Variants in MEF2A observed in about 807,000 individuals in gnomAD.
MEF2A encodes myocyte enhancer factor 2A.
In MEF2A, 28 loss-of-function variants were observed where a neutral mutation model predicts 55.8. The ratio of observed to expected loss-of-function variants is 0.50; its 90% CI spans 0.37 to 0.69. MEF2A has a LOEUF of 0.69. Among genes scored for constraint, MEF2A ranks in the 30% least tolerant of loss-of-function variants. The pLI, the probability that MEF2A is intolerant of heterozygous loss-of-function variation, is 0.00. For synonymous variants in MEF2A, 239 were observed against 227.1 expected (o/e 1.05, Z -0.47); for missense variants, 528 against 626.2 (o/e 0.84, Z 1.67).
At chr15:99,685,383 A>G (rs2054026198) in intron 7 of MEF2A, among the ~76,000 whole-genome samples, 1 of 151,450 alleles carries the variant, frequency 6.6e-6, no homozygotes, top group Non-Finnish European at 1.5e-5. Flanking sequence ...GCAGTGGTTC[A>G]TAGTTTTCCT....
At chr15:99,704,616 C>CT (rs2153804057) in intron 9 of MEF2A, among the ~76,000 whole-genome samples, 1 of 152,234 alleles carries the variant, frequency 6.6e-6, no homozygotes, top group Admixed American at 6.5e-5. Flanking sequence ...AGATGAGGAG[C>CT]TTAGATGAGT....
At chr15:99,665,276 G>A (rs150936087) in intron 4 of MEF2A, among the ~76,000 whole-genome samples, 1 of 152,250 alleles carries the variant, frequency 6.6e-6, no homozygotes, top group African/African-American at 2.4e-5. Flanking sequence ...AAACTCAAGA[G>A]CCTTCCTACT....
chr15:99,681,310 G>T (rs2053209608), intron 7 of MEF2A, among the ~76,000 whole-genome samples: 1 of 152,194 alleles, frequency 6.6e-6, no homozygotes. Context: ...AAGATATCAT[G>T]AAGAAAGCTT....
At chr15:99,578,508 T>A (rs866309454) in intron 1 of MEF2A, among the ~76,000 whole-genome samples, 5 of 152,222 alleles carry the variant, frequency 3.3e-5, no homozygotes, top group African/African-American at 9.6e-5. Flanking sequence ...TGTAATCATC[T>A]TCTTTCCCAC....
intron 1 of MEF2A, among the ~76,000 whole-genome samples, chr15:99,571,834 C>G (rs932724560): frequency 1.3e-5 from 2 of 152,116 alleles, no homozygotes; most frequent in Admixed American, 1.3e-4. Flanking sequence ...TTGATTCTTT[C>G]CATTTCTCTT....
intron 3 of MEF2A, among the ~76,000 whole-genome samples, chr15:99,641,779 C>T (rs1265622688): frequency 2.0e-5 from 3 of 152,174 alleles, no homozygotes; most frequent in African/African-American, 7.2e-5. Context: ...GGCTACAAGC[C>T]TCCACATCCC....
At chr15:99,635,854 T>C (rs569296462) in intron 3 of MEF2A, among the ~76,000 whole-genome samples, 40 of 152,348 alleles carry the variant, frequency 2.6e-4, no homozygotes, top group African/African-American at 9.4e-4. Context: ...TTTGGATTGT[T>C]TTCTACTTTG....
intron 8 of MEF2A, among the ~76,000 whole-genome samples, chr15:99,698,681 A>G (rs1194596872): frequency 2.0e-5 from 3 of 151,990 alleles, no homozygotes; most frequent in African/African-American, 7.2e-5. Flanking sequence ...AATCCCAGCT[A>G]CTCAGGAGGC....
At position 99,713,193 on chromosome 15, in the gene MEF2A, T is replaced by A. The variant is rs886072727; in HGVS notation, c.*422T>A. On this transcript the variant is annotated 3_prime_UTR_variant, in exon 12 of 12. Coordinates refer to ENST00000557942, the MANE Select transcript of MEF2A (RefSeq NM_001319206.4). ...GTGACTGTAGTTACTTAAGAGAAAA[T>A]GCTTTGTAGAACAGAGCAGTAGAAA... 7.4e-6 allele frequency: 3 copies of A among 407,484 alleles called. No homozygotes were observed. Among genetic ancestry groups the A allele is most frequent in the African/African-American group, 6.1e-5 (3 of 48,782 alleles). The allele number at this position is 407,484 out of a possible 1,614,324, so 25.2% of individuals were successfully genotyped here.
At chr15:99,566,721 C>A (rs1188436911) in intron 1 of MEF2A, 1 of 152,360 alleles carries the variant, frequency 6.6e-6, no homozygotes, top group East Asian at 1.9e-4. Context: ...TCCCCCACTT[C>A]TGCTTTGGGA....
chr15:99,712,542 CGCCACCACCGCAGCCCCA>C lies in MEF2A; in HGVS notation c.1295_1312del (p.Pro432_Pro437del), dbSNP rs1357548689. On this transcript the variant is annotated inframe_deletion, in exon 12 of 12. Coordinates refer to ENST00000557942, the MANE Select transcript of MEF2A (RefSeq NM_001319206.4). The surrounding 1 kb of genome is among the most constrained non-coding windows in gnomAD (Gnocchi z 4.1). ...CAGCAGCAGCAGCAGCAGCAGCCGC[CGCCACCACCGCAGCCCCA>C]GCCACAACCCCCGCAGCCCCAGCCC... 6.5e-7 allele frequency: 1 copy of C among 1,547,380 alleles called. No homozygotes were observed. The highest frequency in any genetic ancestry group is 1.4e-5 in the African/African-American group (1 of 70,152).
At chr15:99,635,070 GAT>G (rs1181139050) in intron 3 of MEF2A, among the ~76,000 whole-genome samples, 1 of 152,110 alleles carries the variant, frequency 6.6e-6, no homozygotes, top group African/African-American at 2.4e-5. Flanking sequence ...TCCAGATTCA[GAT>G]ATATACTATA....
chr15:99,574,279 G>A (rs1489403698), intron 1 of MEF2A, among the ~76,000 whole-genome samples: 1 of 152,146 alleles, frequency 6.6e-6, no homozygotes, highest in Non-Finnish European at 1.5e-5. Flanking sequence ...TCTGCCTAGA[G>A]CAGCTATTAC....
At chr15:99,666,117 A>C (rs1451619162) in intron 4 of MEF2A, among the ~76,000 whole-genome samples, 2 of 152,202 alleles carry the variant, frequency 1.3e-5, no homozygotes, top group African/African-American at 4.8e-5. Flanking sequence ...AAATCATTCT[A>C]CTGTAAAGAC....
intron 5 of MEF2A, among the ~76,000 whole-genome samples, chr15:99,673,029 A>C (rs1234964753): frequency 1.3e-5 from 2 of 152,200 alleles, no homozygotes; most frequent in African/African-American, 4.8e-5. Context: ...GGGTGTGCAC[A>C]GAAAAGATAT....
chr15:99,695,343 A>G (rs192176524), intron 8 of MEF2A, among the ~76,000 whole-genome samples: 1 of 152,340 alleles, frequency 6.6e-6, no homozygotes, highest in Non-Finnish European at 1.5e-5. Context: ...CCCTAGTGCA[A>G]CTACAGAAGA....
At chr15:99,697,468 A>G (rs2056664013) in intron 8 of MEF2A, among the ~76,000 whole-genome samples, 1 of 152,078 alleles carries the variant, frequency 6.6e-6, no homozygotes, top group Non-Finnish European at 1.5e-5. Flanking sequence ...TTTAAAAAAA[A>G]AAATGATAAC....
intron 9 of MEF2A, among the ~76,000 whole-genome samples, chr15:99,705,415 G>C (rs918627835): frequency 2.0e-5 from 3 of 152,152 alleles, no homozygotes; most frequent in Non-Finnish European, 2.9e-5. Context: ...AACCTCATTT[G>C]ATTCTCACAG....
chr15:99,683,470 G>A (rs1225865081), intron 7 of MEF2A, among the ~76,000 whole-genome samples: 2 of 152,092 alleles, frequency 1.3e-5, no homozygotes, highest in Non-Finnish European at 2.9e-5. Flanking sequence ...ACAGTGGCAC[G>A]ATCTCGGCTC....
Sources: gnomAD v4.1 joint callset for allele counts (sites outside exome capture counted in the v4.1 genomes callset) on GRCh38, gnomAD v4.1.1 for gene constraint, Gnocchi (gnomAD v3.1) non-coding constraint, MANE v1.5 for transcripts, NCBI Gene and HGNC (gene_info 2026-07-23, HGNC 2026-07-21) for gene names.